The following MTCH2 variants were observed in gnomAD, a reference collection of about 807,000 sequenced individuals.
MTCH2 encodes the protein mitochondrial carrier 2, also known as mitochondrial carrier homolog 2.
MTCH2 carries 25 observed loss-of-function variants against 50.6 expected under a neutral mutation model. The observed-to-expected ratio is 0.49, with a 90% CI of 0.36 to 0.69. MTCH2 has a LOEUF of 0.69. MTCH2 is among the 30% of genes least tolerant of loss of function. MTCH2 has a pLI of 0.00. For missense variants in MTCH2, 273 were observed against 384.4 expected (o/e 0.71, Z 2.42); for synonymous variants, 106 against 132.0 (o/e 0.80, Z 1.35).
At chr11:47,635,770 T>A (rs898424001) in intron 3 of MTCH2, among the ~76,000 whole-genome samples, 199 bp from the exon 4 acceptor site, 1 of 152,046 alleles carries the variant, frequency 6.6e-6, no homozygotes, top group African/African-American at 2.4e-5. Context: ...GATAAACTTG[T>A]TGCTAAGTTT....
At position 47,642,424 on chromosome 11, in the gene MTCH2, G is replaced by A. The variant is rs1182404518; in HGVS notation, c.42C>T (p.Leu14=). The part of the protein sequence containing the change: ...AASQVLLGSG[L]TILSQPLMYV... ...ACATGAGCGGCTGGGACAGGATGGT[G>A]AGACCGGAGCCCAGGAGCACCTGAC... Residue 14 remains leucine, a synonymous_variant, in exon 1 of 13, where the codon CTC becomes CTT. Transcript: ENST00000302503. The A allele has an allele frequency of 2.5e-6, 4 of 1,609,584 alleles. No individual in the cohort carries two copies. The highest frequency in any genetic ancestry group is 2.5e-6 in the Non-Finnish European group (3 of 1,178,348).
the MTCH2 span, among the ~76,000 whole-genome samples, chr11:47,609,654 A>C: frequency 2.7e-5 from 4 of 150,874 alleles, no homozygotes; most frequent in African/African-American, 9.7e-5. Context: ...AAAAAAAAGA[A>C]AAGAGAAGAA....
chr11:47,627,034 A>C, intron 10 of MTCH2, 46 bp downstream of exon 10: 6 of 1,453,720 alleles, frequency 4.1e-6, no homozygotes, highest in Middle Eastern at 3.6e-4. Flanking sequence ...AAACAAAACA[A>C]AACACAACTA....
In MTCH2 at chr11:47,627,118, T is replaced by C. The variant is rs1221998520; in HGVS notation, c.643A>G (p.Met215Val). ...TYALDSGVSTMNEMKSYSQAV... is the reference protein window; with the variant it reads ...TYALDSGVSTVNEMKSYSQAV... ...TGAGAATAACTCTTCATTTCATTCATGGTAGAAACCTAAAATAGGAAAAGA... is the reference window on the plus strand; with the variant it reads ...TGAGAATAACTCTTCATTTCATTCACGGTAGAAACCTAAAATAGGAAAAGA... The change falls in exon 10 of 13, where the codon ATG (methionine) becomes GTG (valine). Residue 215 changes from methionine to valine, a missense_variant. This residue lies in a region of MTCH2 where 70 missense variants were observed against 140.1 expected (regional missense o/e 0.50). Transcript: ENST00000302503. 5 of 1,600,322 alleles carry C rather than the reference T, an allele frequency of 3.1e-6. No homozygotes were observed. The highest frequency in any genetic ancestry group is 4.3e-6 in the Non-Finnish European group (5 of 1,170,424).
chr11:47,623,940 T>C (rs1485815498), intron 11 of MTCH2, among the ~76,000 whole-genome samples: 1 of 152,134 alleles, frequency 6.6e-6, no homozygotes, highest in Non-Finnish European at 1.5e-5. Flanking sequence ...TAATCCCAGC[T>C]ACTCTGGAGG....
Position 47,619,062 on chromosome 11 carries a change from T to C in MTCH2, c.826-143A>G, listed in dbSNP as rs1418787027. ...TATCACTACAGAACAAGGATTAGTA[T>C]TCTCTGAAAGGCTGAGCTACTATGA... On this transcript the variant is annotated intron_variant, in intron 12 of 12. Transcript: ENST00000302503. The C allele has an allele frequency of 4.2e-6, 3 of 721,106 alleles. No homozygotes were observed. The African/African-American group carries it at 5.2e-5, about 13-fold the overall frequency. 44.7% of individuals were successfully genotyped at this position (721,106 alleles called of 1,614,324 possible). A position where few individuals can be genotyped will look rare whatever the true frequency, so the allele number is the denominator to read the frequency against.
At chr11:47,627,307 A>G (rs1472754366) in intron 9 of MTCH2, among the ~76,000 whole-genome samples, 180 bp from the exon 10 acceptor site, 1 of 150,994 alleles carries the variant, frequency 6.6e-6, no homozygotes, top group Non-Finnish European at 1.5e-5. Context: ...ATTTCAAAAT[A>G]TTTTTTAAGA....
chr11:47,625,736 A>G lies in MTCH2; in HGVS notation c.687T>C (p.Phe229=). ...CAAAGGGATAGGTCAACATACTCGC[A>G]AAAAACTGTAAAATGGAAACAAGGC... ...KSYSQAVTGF[F]ASMLTYPFVL... The change falls in exon 11 of 13, where the codon TTT becomes TTC. Residue 229 remains phenylalanine, a synonymous_variant. Transcript: ENST00000302503. The G allele has an allele frequency of 6.2e-7, 1 of 1,611,684 alleles. No individual in the cohort carries two copies. The highest frequency in any genetic ancestry group is 1.3e-5 in the African/African-American group (1 of 74,988).
At chr11:47,608,988 G>C in the MTCH2 span, among the ~76,000 whole-genome samples, 1 of 149,268 alleles carries the variant, frequency 6.7e-6, no homozygotes, top group Non-Finnish European at 1.5e-5. Context: ...AGTAGGGTGT[G>C]GTGGTGCACA....
chr11:47,613,113 G>C (rs1042022431), downstream of MTCH2, among the ~76,000 whole-genome samples: 6 of 151,418 alleles, frequency 4.0e-5, no homozygotes, highest in African/African-American at 1.5e-4. Context: ...TCACTATGTT[G>C]TCTAGGCTGG....
rs966303544 is a variant in MTCH2 at position 47,617,774 on chromosome 11, C to T, written c.*1059G>A. ...TTTTCCTCCTATAAATGTTAACATG[C>T]TTAACTGAGGGTATGGCATGTGAGG... is the stretch of plus-strand genomic sequence containing the variant. On this transcript the variant is annotated 3_prime_UTR_variant, in exon 13 of 13. Coordinates refer to ENST00000302503, the MANE Select transcript of MTCH2 (RefSeq NM_014342.4). The T allele has an allele frequency of 6.6e-6, 1 of 152,142 alleles. No homozygotes were observed. Among genetic ancestry groups the T allele is most frequent in the African/African-American group, 2.4e-5 (1 of 41,434 alleles). 9.4% of individuals were successfully genotyped at this position (152,142 alleles called of 1,614,324 possible).
At chr11:47,615,735 C>T (rs1467811960), downstream of MTCH2, among the ~76,000 whole-genome samples, 1 of 151,296 alleles carries the variant, frequency 6.6e-6, no homozygotes, top group Non-Finnish European at 1.5e-5. Flanking sequence ...CGATTTCAAG[C>T]GATTCTCCTG....
At position 47,638,698 on chromosome 11, in the gene MTCH2, C is replaced by T; in HGVS notation, c.279+1G>A. On this transcript the variant is annotated splice_donor_variant, in intron 3 of 12. Coordinates refer to ENST00000302503, the MANE Select transcript of MTCH2 (RefSeq NM_014342.4). LOFTEE classifies it high-confidence loss of function. ...GAAGATTGATTTAATTTTCCTCTTACCTGTAAAACTTTACCATGGACCACA... is the reference window on the plus strand; with the variant it reads ...GAAGATTGATTTAATTTTCCTCTTATCTGTAAAACTTTACCATGGACCACA... The T allele has an allele frequency of 1.6e-6, 2 of 1,287,396 alleles. No homozygotes were observed. Among genetic ancestry groups the T allele is most frequent in the Non-Finnish European group, 2.0e-6 (2 of 1,012,690 alleles). 79.7% of individuals were successfully genotyped at this position (1,287,396 alleles called of 1,614,324 possible). A position where few individuals can be genotyped will look rare whatever the true frequency, so the allele number is the denominator to read the frequency against.
chr11:47,617,532 C>T lies in MTCH2; in HGVS notation c.*1301G>A, dbSNP rs1217871302. 3 of 152,602 alleles carry T rather than the reference C, an allele frequency of 2.0e-5. No homozygotes were observed. Among genetic ancestry groups the T allele is most frequent in the South Asian group, 2.1e-4 (1 of 4,834 alleles). The allele number at this position is 152,602 out of a possible 1,614,324, so 9.5% of individuals were successfully genotyped here. A position where few individuals can be genotyped will look rare whatever the true frequency, so the allele number is the denominator to read the frequency against. On this transcript the variant is annotated 3_prime_UTR_variant, in exon 13 of 13. Transcript: ENST00000302503. ...GGGAGGGAAGAGACCCCTGCATTCT[C>T]GTTCTGTCTAATATTATCAGTGGGG...
the MTCH2 span, among the ~76,000 whole-genome samples, chr11:47,612,293 C>T: frequency 1.3e-5 from 2 of 151,920 alleles, no homozygotes; most frequent in Admixed American, 6.5e-5. Context: ...GTGGGCCGGG[C>T]GCGGTGGCTC....
the MTCH2 span, among the ~76,000 whole-genome samples, chr11:47,608,643 C>T: frequency 1.3e-5 from 2 of 151,960 alleles, no homozygotes; most frequent in African/African-American, 2.4e-5. Context: ...GGGCTTGGGG[C>T]GGAAGGATTA....
At chr11:47,615,942 A>G (rs1011187351), downstream of MTCH2, among the ~76,000 whole-genome samples, 5 of 151,960 alleles carry the variant, frequency 3.3e-5, no homozygotes, top group African/African-American at 1.2e-4. Context: ...ATGATCCCCC[A>G]AAGTTCCAGG....
intron 3 of MTCH2, among the ~76,000 whole-genome samples, chr11:47,638,033 T>C (rs1036551702): frequency 2.0e-5 from 3 of 152,174 alleles, no homozygotes; most frequent in Non-Finnish European, 4.4e-5. Context: ...TTCTTGACTG[T>C]ACAAGCAGCT....
intron 1 of MTCH2, 151 bp from the exon 2 acceptor site, chr11:47,639,202 T>TGC: frequency 3.0e-6 from 2 of 676,596 alleles, no homozygotes; most frequent in Non-Finnish European, 4.9e-6. Context: ...GAAGCATCAT[T>TGC]CTTGTAGGTT....
Sources: gnomAD v4.1 joint callset for allele counts (sites outside exome capture counted in the v4.1 genomes callset) on GRCh38, gnomAD v4.1.1 for gene constraint, gnomAD v4.1.1 regional missense constraint, MANE v1.5 for transcripts, NCBI Gene and HGNC (gene_info 2026-07-23, HGNC 2026-07-21) for gene names.